SPECC1: variants seen among roughly 807,000 people sequenced by gnomAD.
SPECC1 encodes sperm antigen with calponin homology and coiled-coil domains 1.
SPECC1 carries 62 observed loss-of-function variants against 104.1 expected under a neutral mutation model. The observed-to-expected ratio is 0.60, with a 90% CI of 0.49 to 0.74. SPECC1 has a LOEUF of 0.74. SPECC1 is among the 30% of genes least tolerant of loss of function. The probability of loss-of-function intolerance (pLI) is 0.00; values close to 1 mark genes in which losing one functional copy is unlikely to be tolerated. For missense variants in SPECC1, 1,306 were observed against 1,310.5 expected (o/e 1.00, Z 0.05); for synonymous variants, 513 against 501.6 (o/e 1.02, Z -0.30).
chr17:20,295,975 G>A (rs887929884), intron 12 of SPECC1, among the ~76,000 whole-genome samples: 6 of 152,208 alleles, frequency 3.9e-5, no homozygotes, highest in Admixed American at 3.9e-4. Context: ...TAGGTTGCCT[G>A]TTCACTCTGA....
chr17:20,020,659 G>A (rs1320760542), intron 1 of SPECC1, among the ~76,000 whole-genome samples: 1 of 152,172 alleles, frequency 6.6e-6, no homozygotes, highest in African/African-American at 2.4e-5. Context: ...TAGACCTCAG[G>A]TGTGAGGAAT....
At chr17:20,176,848 A>G (rs1027708077) in intron 3 of SPECC1, among the ~76,000 whole-genome samples, 6 of 152,188 alleles carry the variant, frequency 3.9e-5, no homozygotes, top group Non-Finnish European at 8.8e-5. Flanking sequence ...CCTTAAGCAC[A>G]TCTGCAAAAT....
chr17:20,287,668 G>A (rs1204523094), intron 12 of SPECC1, among the ~76,000 whole-genome samples: 2 of 152,026 alleles, frequency 1.3e-5, no homozygotes, highest in Non-Finnish European at 2.9e-5. Context: ...AAGCACAGCA[G>A]CAGAGCAGCC....
chr17:20,015,203 T>C (rs755284031), intron 1 of SPECC1, among the ~76,000 whole-genome samples: 5 of 152,262 alleles, frequency 3.3e-5, no homozygotes, highest in African/African-American at 4.8e-5. Context: ...CTTCTGGAAT[T>C]ATTCTTACTT....
At chr17:20,065,388 A>G (rs2046323507) in intron 1 of SPECC1, among the ~76,000 whole-genome samples, 1 of 105,984 alleles carries the variant, frequency 9.4e-6, no homozygotes, top group Admixed American at 9.5e-5. Context: ...TGGGGTTCCC[A>G]TGACTCCTCT....
At chr17:20,287,694 G>T (rs909900735) in intron 12 of SPECC1, among the ~76,000 whole-genome samples, 6 of 151,854 alleles carry the variant, frequency 4.0e-5, no homozygotes, top group Non-Finnish European at 7.4e-5. Flanking sequence ...GGTGCACAGG[G>T]CTCTGCAGGT....
intron 3 of SPECC1, among the ~76,000 whole-genome samples, chr17:20,160,490 A>G (rs2033039512): frequency 6.6e-6 from 1 of 152,172 alleles, no homozygotes; most frequent in Non-Finnish European, 1.5e-5. Context: ...GAGCATGCAT[A>G]TTGGTAAACA....
chr17:20,097,368 C>T (rs1567840166), intron 2 of SPECC1, among the ~76,000 whole-genome samples: 1 of 152,160 alleles, frequency 6.6e-6, no homozygotes, highest in South Asian at 2.1e-4. Flanking sequence ...CCTTAGCTGC[C>T]CTGAGATGAA....
At chr17:20,255,129 G>A (rs1275723699) in intron 10 of SPECC1, among the ~76,000 whole-genome samples, 1 of 152,184 alleles carries the variant, frequency 6.6e-6, no homozygotes, top group Non-Finnish European at 1.5e-5. Context: ...GCTTTCTAAA[G>A]TGGTGAAAGT....
intron 3 of SPECC1, among the ~76,000 whole-genome samples, chr17:20,193,772 T>G (rs140445722): frequency 9.1e-4 from 138 of 152,326 alleles, no homozygotes; most frequent in Admixed American, 2.5e-3. Context: ...TAGAAGACTT[T>G]CCATGAACTG....
intron 3 of SPECC1, among the ~76,000 whole-genome samples, chr17:20,132,194 T>C (rs1049056127): frequency 6.6e-5 from 10 of 152,238 alleles, no homozygotes; most frequent in Admixed American, 2.6e-4. Context: ...GTAGATTACA[T>C]TGACTGATTT....
chr17:20,231,692 C>T (rs2038589279), intron 5 of SPECC1, 66 bp from the exon 6 acceptor site: 1 of 1,457,828 alleles, frequency 6.9e-7, no homozygotes, highest in East Asian at 2.3e-5. Flanking sequence ...TTCTTTGCTA[C>T]CTAGCGTGTC....
At chr17:20,023,287 C>CT (rs1168849447) in intron 1 of SPECC1, among the ~76,000 whole-genome samples, 2 of 152,202 alleles carry the variant, frequency 1.3e-5, no homozygotes, top group African/African-American at 2.4e-5. Flanking sequence ...AAACCATAGT[C>CT]TTAAGACTTA....
At chr17:20,043,098 A>T (rs1271710795) in intron 1 of SPECC1, among the ~76,000 whole-genome samples, 1 of 152,158 alleles carries the variant, frequency 6.6e-6, no homozygotes, top group African/African-American at 2.4e-5. Flanking sequence ...AGGCCAAGCA[A>T]GTTGTCTGGT....
rs560655065 is a variant in SPECC1 at position 20,314,122 on chromosome 17, G to T, written c.*57G>T. On this transcript the variant is annotated 3_prime_UTR_variant, in exon 15 of 15. Transcript: ENST00000395527. The stretch of plus-strand genomic sequence containing the variant: ...ACCTACTGCAGCTTTTCCTGGAAGC[G>T]CCTGATTACTGTCCACTGACCCTGC... 2 of 1,469,490 alleles carry T rather than the reference G, an allele frequency of 1.4e-6. No individual in the cohort carries two copies. Among genetic ancestry groups the T allele is most frequent in the Non-Finnish European group, 1.9e-6 (2 of 1,060,404 alleles). 91.0% of individuals were successfully genotyped at this position (1,469,490 alleles called of 1,614,324 possible). A position where few individuals can be genotyped will look rare whatever the true frequency, so the allele number is the denominator to read the frequency against.
At chr17:20,250,649 C>T (rs888039107) in intron 9 of SPECC1, among the ~76,000 whole-genome samples, 2 of 152,158 alleles carry the variant, frequency 1.3e-5, no homozygotes, top group African/African-American at 2.4e-5. Flanking sequence ...CATGAAACCT[C>T]CCAAACATTT....
At chr17:20,293,043 T>C (rs1259636442) in intron 12 of SPECC1, among the ~76,000 whole-genome samples, 1 of 152,196 alleles carries the variant, frequency 6.6e-6, no homozygotes, top group Non-Finnish European at 1.5e-5. Flanking sequence ...ACAGATTCTT[T>C]GTATCTATGT....
chr17:20,097,762 G>A (rs1226671700), intron 2 of SPECC1, among the ~76,000 whole-genome samples: 1 of 152,214 alleles, frequency 6.6e-6, no homozygotes, highest in Non-Finnish European at 1.5e-5. Context: ...CAAATGGAGG[G>A]AGGCTCTAGG....
intron 3 of SPECC1, among the ~76,000 whole-genome samples, chr17:20,169,965 T>C (rs1567898468): frequency 1.3e-5 from 2 of 152,226 alleles, no homozygotes; most frequent in Non-Finnish European, 2.9e-5. Flanking sequence ...CTATGTAGTA[T>C]CATAGAAGTA....
Sources: allele counts gnomAD v4.1 joint callset (sites outside exome capture counted in the v4.1 genomes callset), GRCh38; gene constraint gnomAD v4.1.1; transcripts MANE v1.5; gene names NCBI Gene and HGNC (gene_info 2026-07-23, HGNC 2026-07-21).